HEATR5B: variants seen among roughly 807,000 people sequenced by gnomAD.
The protein encoded by HEATR5B is HEAT repeat containing 5B.
A neutral mutation model predicts 224.1 loss-of-function variants in HEATR5B; 156 were observed. The observed-to-expected ratio is 0.70, with a 90% CI of 0.61 to 0.80. The LOEUF is 0.80. HEATR5B is among the 30% of genes least tolerant of loss of function. HEATR5B has a pLI of 0.00. For missense variants in HEATR5B, 2,323 were observed against 2,535.5 expected (o/e 0.92, Z 1.80); for synonymous variants, 1,027 against 893.0 (o/e 1.15, Z -2.68).
intron 22 of HEATR5B, 145 bp downstream of exon 22, chr2:37,032,484 A>T: frequency 1.2e-6 from 1 of 822,512 alleles, no homozygotes; most frequent in Non-Finnish European, 1.8e-6. Flanking sequence ...ACCACATTGG[A>T]ATTTTAAAAG....
chr2:37,060,619 C>G lies in HEATR5B; in HGVS notation c.1811G>C (p.Trp604Ser). 3 of 1,613,788 alleles carry G rather than the reference C, an allele frequency of 1.9e-6. No homozygotes were observed. The highest frequency in any genetic ancestry group is 2.5e-6 in the Non-Finnish European group (3 of 1,179,796). The change falls in exon 12 of 36, where the codon TGG becomes TCG. Residue 604 changes from tryptophan (W) to serine (S), a missense_variant. Trp to Ser is a radical substitution (Grantham distance 177). This residue lies in a region of HEATR5B where 502 missense variants were observed against 517.8 expected (regional missense o/e 0.97). Coordinates refer to ENST00000233099, the MANE Select transcript of HEATR5B (RefSeq NM_019024.3). ...AGCACGACCTTCCAAAGTTACCTGC[C>G]AGGTAAAAGAATCGCCTCGGGCCTT... ...AEKARGDSFT[W>S]QVTLEGRAGA...
intron 24 of HEATR5B, among the ~76,000 whole-genome samples, chr2:37,024,882 C>A (rs1225049035): frequency 6.6e-6 from 1 of 152,192 alleles, no homozygotes; most frequent in Non-Finnish European, 1.5e-5. Context: ...TATGTCTACC[C>A]TTCCTCAAAG....
intron 31 of HEATR5B, among the ~76,000 whole-genome samples, chr2:37,002,814 T>C (rs1489412419): frequency 3.3e-5 from 5 of 152,290 alleles, no homozygotes; most frequent in Admixed American, 3.3e-4. Context: ...GGGTATATAT[T>C]TTGTAATAGG....
At chr2:37,074,983 G>A (rs543397968) in intron 5 of HEATR5B, among the ~76,000 whole-genome samples, 29 of 152,312 alleles carry the variant, frequency 1.9e-4, no homozygotes, top group African/African-American at 6.3e-4. Context: ...AGAATGGCAC[G>A]AGTACTTTGG....
At chr2:36,986,469 G>A (rs1665952511) in intron 35 of HEATR5B, among the ~76,000 whole-genome samples, 1 of 152,004 alleles carries the variant, frequency 6.6e-6, no homozygotes, top group Non-Finnish European at 1.5e-5. Flanking sequence ...TTTTATAGAG[G>A]AGCTATTGAA....
At chr2:37,050,479 T>G (rs1001762708) in intron 17 of HEATR5B, among the ~76,000 whole-genome samples, 2 of 152,202 alleles carry the variant, frequency 1.3e-5, no homozygotes, top group Non-Finnish European at 2.9e-5. Context: ...AATCAACCAT[T>G]ATTTAACTGA....
chr2:37,022,679 TAAG>T (rs946540498), intron 24 of HEATR5B, among the ~76,000 whole-genome samples: 3 of 152,168 alleles, frequency 2.0e-5, no homozygotes, highest in Non-Finnish European at 4.4e-5. Context: ...ATCTACAAAA[TAAG>T]AAGGAAACGA....
chr2:37,008,911 G>A (rs770323605), intron 27 of HEATR5B, 63 bp from the exon 28 acceptor site: 75 of 1,023,542 alleles, frequency 7.3e-5, no homozygotes, highest in Admixed American at 1.1e-4. Context: ...GATATTTTAC[G>A]TTATTATAAA....
chr2:37,003,606 A>G lies in HEATR5B; in HGVS notation c.4986T>C (p.Thr1662=). The change falls in exon 31 of 36, where the codon ACT becomes ACC. Residue 1662 remains threonine, a synonymous_variant. Coordinates refer to ENST00000233099, the MANE Select transcript of HEATR5B (RefSeq NM_019024.3). ...CTCTTACTATCTGTTGTACAACTCCAGTAACCAACAGCTGGACAGATGATG... is the reference window on the plus strand; with the variant it reads ...CTCTTACTATCTGTTGTACAACTCCGGTAACCAACAGCTGGACAGATGATG... ...WNPSSVQLLV[T]GVVQQIVRAA... 1 of 1,612,366 alleles carries G rather than the reference A, an allele frequency of 6.2e-7. No individual in the cohort carries two copies. Among genetic ancestry groups the G allele is most frequent in the East Asian group, 2.2e-5 (1 of 44,858 alleles).
At chr2:37,023,131 A>G (rs756402997) in intron 24 of HEATR5B, among the ~76,000 whole-genome samples, 9 of 151,982 alleles carry the variant, frequency 5.9e-5, no homozygotes, top group Non-Finnish European at 1.0e-4. Context: ...GAAAAAAATC[A>G]CAAAGGGGAA....
At chr2:37,068,186 T>C (rs1387000876) in intron 8 of HEATR5B, among the ~76,000 whole-genome samples, 2 of 152,214 alleles carry the variant, frequency 1.3e-5, no homozygotes, top group African/African-American at 4.8e-5. Context: ...GAAAAATTTA[T>C]AAAACTGGTA....
intron 5 of HEATR5B, 84 bp from the exon 6 acceptor site, chr2:37,072,365 C>T: frequency 1.1e-6 from 1 of 903,974 alleles, no homozygotes; most frequent in Non-Finnish European, 1.7e-6. Context: ...CTTACCACCT[C>T]TCCTGAGATA....
intron 24 of HEATR5B, among the ~76,000 whole-genome samples, chr2:37,023,450 A>G (rs1273881458): frequency 6.6e-6 from 1 of 152,164 alleles, no homozygotes. Flanking sequence ...CTACCAAAAA[A>G]ACTAATTTTA....
chr2:37,055,038 A>T, intron 16 of HEATR5B: 1 of 358,808 alleles, frequency 2.8e-6, no homozygotes, highest in South Asian at 2.2e-5. Context: ...GTATACATGC[A>T]CATTTTGATG....
chr2:37,069,604 T>C (rs1373706334), intron 7 of HEATR5B, among the ~76,000 whole-genome samples: 1 of 152,216 alleles, frequency 6.6e-6, no homozygotes, highest in African/African-American at 2.4e-5. Flanking sequence ...ATGCTCAAGC[T>C]ACCTGAATAC....
At chr2:37,027,611 TA>T (rs1277626427) in intron 24 of HEATR5B, among the ~76,000 whole-genome samples, 2 of 152,180 alleles carry the variant, frequency 1.3e-5, no homozygotes, top group Admixed American at 6.5e-5. Flanking sequence ...GCTGAAATGC[TA>T]AAATCCAGGA....
intron 24 of HEATR5B, 36 bp from the exon 25 acceptor site, chr2:37,020,872 T>C (rs17020136): frequency 0.2 from 242,151 of 1,219,088 alleles, 27,457 homozygotes; most frequent in East Asian, 0.55. Flanking sequence ...ATGAAAACTT[T>C]TCCAAAAATA....
chr2:37,043,400 G>C (rs1669997978), intron 18 of HEATR5B, among the ~76,000 whole-genome samples: 1 of 152,208 alleles, frequency 6.6e-6, no homozygotes, highest in Non-Finnish European at 1.5e-5. Flanking sequence ...TTGACTTTCA[G>C]AATGGCCAAA....
rs147241730 is a variant in HEATR5B at position 37,013,977 on chromosome 2, T to C, written c.4148A>G (p.Asn1383Ser). 1.4e-4 allele frequency: 229 copies of C among 1,609,380 alleles called. No homozygotes were observed. In the African/African-American group the frequency reaches 1.7e-3, roughly 12 times the overall value. Residue 1383 changes from asparagine to serine, a missense_variant, in exon 27 of 36, where the codon AAT becomes AGT. Coordinates refer to ENST00000233099, the MANE Select transcript of HEATR5B (RefSeq NM_019024.3). ...AAGATTGTGTACTCGACGGAGATCA[T>C]TGAGATCACTGACAACTCCACTTCC... Reference protein sequence around the residue: ...WIGSGVVSDLNDLRRVHNLLV... With the variant: ...WIGSGVVSDLSDLRRVHNLLV...
Sources: allele counts gnomAD v4.1 joint callset (sites outside exome capture counted in the v4.1 genomes callset), GRCh38; gene constraint gnomAD v4.1.1; regional missense constraint gnomAD v4.1.1; transcripts MANE v1.5; gene names NCBI Gene and HGNC (gene_info 2026-07-23, HGNC 2026-07-21).